MAN1B1: variants seen among roughly 807,000 people sequenced by gnomAD.
MAN1B1 encodes mannosidase alpha class 1B member 1.
In MAN1B1, 66 loss-of-function variants were observed where a neutral mutation model predicts 75.5. That is an observed-to-expected ratio of 0.87 (90% CI 0.72 to 1.07). MAN1B1 has a LOEUF of 1.07. MAN1B1 is among the 50% of genes least tolerant of loss of function. MAN1B1 has a pLI of 0.00. For synonymous variants in MAN1B1, 453 were observed against 382.8 expected (o/e 1.18, Z -2.14); for missense variants, 973 against 912.5 (o/e 1.07, Z -0.85).
At chr9:137,097,968 G>C in intron 5 of MAN1B1, 31 bp downstream of exon 5, 2 of 1,488,786 alleles carry the variant, frequency 1.3e-6, no homozygotes, top group South Asian at 1.2e-5. Flanking sequence ...CTTCCTCCCC[G>C]GGCGCTCAGG....
intron 3 of MAN1B1, among the ~76,000 whole-genome samples, chr9:137,093,693 G>A (rs560804811): frequency 1.3e-5 from 2 of 152,028 alleles, no homozygotes; most frequent in South Asian, 4.2e-4. Context: ...AATTAGCCGG[G>A]CGTGGTGGCA....
Position 137,108,818 on chromosome 9 carries a change from G to T in MAN1B1, c.*227G>T. On this transcript the variant is annotated 3_prime_UTR_variant, in exon 13 of 13. Transcript: ENST00000371589. ...GGCTGGGCCGCTGGAGCCTCCGCCT[G>T]CTTCCTCCAGAAGACACGAATCATG... The T allele has an allele frequency of 1.5e-6, 1 of 680,652 alleles. No homozygotes were observed. The highest frequency in any genetic ancestry group is 2.7e-6 in the Non-Finnish European group (1 of 371,150). 42.2% of individuals were successfully genotyped at this position (680,652 alleles called of 1,614,324 possible).
rs930920499 is a variant in MAN1B1 at position 137,102,120 on chromosome 9, C to T, written c.1254+448C>T. The T allele has an allele frequency of 2.7e-5, 12 of 450,402 alleles. No individual in the cohort carries two copies. In the East Asian group the frequency reaches 5.0e-4, roughly 19 times the overall value. The allele number at this position is 450,402 out of a possible 1,614,324, so 27.9% of individuals were successfully genotyped here. A position where few individuals can be genotyped will look rare whatever the true frequency, so the allele number is the denominator to read the frequency against. On this transcript the variant is annotated intron_variant, in intron 8 of 12. Transcript: ENST00000371589. Reference sequence around the variant, plus strand: ...GCAGGCGTGCAGGTCGGTGGTGTTACATTCACGCTGTTGCAGGCGTGCAGG... The same window carrying T: ...GCAGGCGTGCAGGTCGGTGGTGTTATATTCACGCTGTTGCAGGCGTGCAGG...
intron 3 of MAN1B1, 161 bp downstream of exon 3, chr9:137,089,166 CGTA>C (rs1293013415): frequency 3.0e-5 from 27 of 900,836 alleles, no homozygotes; most frequent in Non-Finnish European, 4.3e-5. Flanking sequence ...GAAAGAGAGG[CGTA>C]GTCTTTGCTT....
chr9:137,099,140 A>T (rs73668391), intron 5 of MAN1B1, among the ~76,000 whole-genome samples: 144 of 152,236 alleles, frequency 9.5e-4, no homozygotes, highest in African/African-American at 3.4e-3. Context: ...AAAAAAATTT[A>T]AAAAAAGGGA....
intron 3 of MAN1B1, 142 bp from the exon 4 acceptor site, chr9:137,096,095 T>G: frequency 1.2e-6 from 1 of 857,330 alleles, no homozygotes; most frequent in Non-Finnish European, 1.9e-6. Context: ...CTGCCTGTCG[T>G]ATTGAAAAAC....
At chr9:137,107,141 C>G (rs1831140563) in intron 10 of MAN1B1, 109 bp from the exon 11 acceptor site, 1 of 1,244,170 alleles carries the variant, frequency 8.0e-7, no homozygotes, top group South Asian at 1.4e-5. Context: ...CCTCCCCTCC[C>G]AGGGTACCAG....
chr9:137,101,488 A>T lies in MAN1B1; in HGVS notation c.1070A>T (p.Asp357Val), dbSNP rs1830809086. ...GDSLFLRKAE[D>V]FGNRLMPAFR... Reference sequence around the variant, plus strand: ...TCTACTCTGCTCATATACCAGGAGGATTTTGGAAATCGGCTAATGCCTGCC... The same window carrying T: ...TCTACTCTGCTCATATACCAGGAGGTTTTTGGAAATCGGCTAATGCCTGCC... Residue 357 changes from aspartate (D) to valine (V), a missense_variant, in exon 8 of 13, where the codon GAT becomes GTT. Coordinates refer to ENST00000371589, the MANE Select transcript of MAN1B1 (RefSeq NM_016219.5). The T allele has an allele frequency of 6.2e-7, 1 of 1,613,586 alleles. No individual in the cohort carries two copies. The highest frequency in any genetic ancestry group is 1.7e-5 in the Admixed American group (1 of 59,992).
At chr9:137,089,111 G>GT in intron 3 of MAN1B1, 106 bp downstream of exon 3, 1 of 1,367,004 alleles carries the variant, frequency 7.3e-7, no homozygotes, top group Non-Finnish European at 1.0e-6. Flanking sequence ...TTATTACCAC[G>GT]TGTTTACCTC....
rs760299180 is a variant in MAN1B1 at position 137,106,235 on chromosome 9, A to C, written c.1365A>C (p.Val455=). 1.2e-6 allele frequency: 2 copies of C among 1,602,770 alleles called. No individual in the cohort carries two copies. The highest frequency in any genetic ancestry group is 1.7e-6 in the Non-Finnish European group (2 of 1,175,318). ...GTGGCCTCTTCACCCACCTGGGCGT[A>C]TTCACGCTGGGCGCCAGGGCCGACA... ...THSGLFTHLG[V]FTLGARADSY... The change falls in exon 9 of 13, where the codon GTA becomes GTC. Residue 455 remains valine, a synonymous_variant. Coordinates refer to ENST00000371589, the MANE Select transcript of MAN1B1 (RefSeq NM_016219.5).
intron 8 of MAN1B1, chr9:137,105,712 T>C (rs1188712885): frequency 5.5e-6 from 2 of 363,036 alleles, no homozygotes; most frequent in African/African-American, 2.1e-5. Flanking sequence ...CCGAGGCGTT[T>C]AATATCATCA....
chr9:137,108,643 G>A lies in MAN1B1; in HGVS notation c.*52G>A, dbSNP rs941874312. The A allele has an allele frequency of 1.9e-6, 3 of 1,567,704 alleles. No individual in the cohort carries two copies. Among genetic ancestry groups the A allele is most frequent in the South Asian group, 1.1e-5 (1 of 90,174 alleles). On this transcript the variant is annotated 3_prime_UTR_variant, in exon 13 of 13. Transcript: ENST00000371589. ...TCGGGTGGGCAGAGGCACCTTGCTG[G>A]GTCTGTGGCATTTTCCAAGGGCCCA...
At chr9:137,093,138 G>A (rs140453913) in intron 3 of MAN1B1, among the ~76,000 whole-genome samples, 320 of 152,222 alleles carry the variant, frequency 2.1e-3, no homozygotes, top group African/African-American at 6.8e-3. Context: ...TGTAGTCCCA[G>A]CACTTTGGGA....
Position 137,107,759 on chromosome 9 carries a change from G to C in MAN1B1, c.1896+97G>C, listed in dbSNP as rs765378032. 1.9e-6 allele frequency: 3 copies of C among 1,587,222 alleles called. No homozygotes were observed. In the South Asian group the frequency reaches 3.3e-5, roughly 18 times the overall value. ...GCTGGCTCCGCTCTTGGTGGTGGCT[G>C]TGACCTGGATCCGGGAGGGGCGGGC... On this transcript the variant is annotated intron_variant, in intron 12 of 12. Coordinates refer to ENST00000371589, the MANE Select transcript of MAN1B1 (RefSeq NM_016219.5).
chr9:137,107,789 C>T (rs754642307), intron 12 of MAN1B1, 127 bp downstream of exon 12: 29 of 1,423,130 alleles, frequency 2.0e-5, no homozygotes, highest in Middle Eastern at 3.5e-4. Context: ...GCGGGCTTGC[C>T]GCAGCCTCGG....
intron 4 of MAN1B1, among the ~76,000 whole-genome samples, chr9:137,097,611 G>C (rs536295585): frequency 2.7e-4 from 41 of 152,332 alleles, no homozygotes; most frequent in Admixed American, 3.9e-4. Flanking sequence ...CCTCAGGCCA[G>C]CCTTGACCCT....
In MAN1B1 at chr9:137,105,695, C is replaced by T. The variant is rs142865254; in HGVS notation, c.1255-430C>T. 1,483 of 346,764 alleles carry T rather than the reference C, an allele frequency of 4.3e-3. 17 individuals are homozygous for T. The highest frequency in any genetic ancestry group is 0.011 in the South Asian group (460 of 43,678). The allele number at this position is 346,764 out of a possible 1,614,324, so 21.5% of individuals were successfully genotyped here. On this transcript the variant is annotated intron_variant, in intron 8 of 12. Transcript: ENST00000371589. ...GATGAGTAGGAGCTCACCAGGAGGG[C>T]GTGGAGCCGAGGCGTTTAATATCAT... is the stretch of plus-strand genomic sequence containing the variant.
At chr9:137,089,453 G>A (rs1414195113) in intron 3 of MAN1B1, among the ~76,000 whole-genome samples, 34 of 152,198 alleles carry the variant, frequency 2.2e-4, no homozygotes, top group East Asian at 1.9e-4. Context: ...TGCTGGCACC[G>A]GGCAAGGTGG....
At chr9:137,089,213 G>A (rs960283638) in intron 3 of MAN1B1, 19 of 654,738 alleles carry the variant, frequency 2.9e-5, no homozygotes, top group Admixed American at 2.3e-4. Context: ...GGCCAGTTCC[G>A]GTTTTACTTC....
Sources: allele counts gnomAD v4.1 joint callset (sites outside exome capture counted in the v4.1 genomes callset), GRCh38; gene constraint gnomAD v4.1.1; transcripts MANE v1.5; gene names NCBI Gene and HGNC (gene_info 2026-07-23, HGNC 2026-07-21).